Variants in TAOK1 observed in about 807,000 individuals in gnomAD.
The protein encoded by TAOK1 is TAO kinase 1.
A neutral mutation model predicts 138.3 loss-of-function variants in TAOK1; 21 were observed. The ratio of observed to expected loss-of-function variants is 0.15; its 90% CI spans 0.11 to 0.22. The LOEUF is 0.22. TAOK1 is among the 10% of genes least tolerant of loss of function. The pLI is 1.00. For missense variants in TAOK1, 651 were observed against 1,227.7 expected (o/e 0.53, Z 7.02); for synonymous variants, 361 against 398.4 (o/e 0.91, Z 1.12).
chr17:29,401,044 C>T (rs1451001551), intron 1 of TAOK1, among the ~76,000 whole-genome samples: 5 of 150,848 alleles, frequency 3.3e-5, no homozygotes, highest in Non-Finnish European at 5.9e-5. Flanking sequence ...TGAGTAACTG[C>T]GACTACAGGT....
At chr17:29,484,685 A>G (rs1598501334) in intron 8 of TAOK1, among the ~76,000 whole-genome samples, 3 of 151,682 alleles carry the variant, frequency 2.0e-5, no homozygotes, top group South Asian at 4.2e-4. Flanking sequence ...GCTCACTGCA[A>G]CCTCCGCCTC....
At chr17:29,422,799 G>GTGAA (rs1905495313) in intron 1 of TAOK1, among the ~76,000 whole-genome samples, 1 of 152,172 alleles carries the variant, frequency 6.6e-6, no homozygotes, top group South Asian at 2.1e-4. Context: ...GCAGAGGTGG[G>GTGAA]TGAATCACGA....
intron 1 of TAOK1, chr17:29,403,810 T>A (rs1904917980): frequency 6.6e-6 from 1 of 152,128 alleles, no homozygotes; most frequent in East Asian, 1.9e-4. Flanking sequence ...ACCGAAGCAG[T>A]CCTCATACGT....
chr17:29,536,980 G>A (rs1280568914), intron 19 of TAOK1, among the ~76,000 whole-genome samples: 1 of 152,108 alleles, frequency 6.6e-6, no homozygotes, highest in Non-Finnish European at 1.5e-5. Context: ...GATTACAGGC[G>A]TGAGCCACAG....
intron 1 of TAOK1, chr17:29,424,754 T>C (rs1051164844): frequency 6.6e-6 from 1 of 152,200 alleles, no homozygotes; most frequent in Non-Finnish European, 1.5e-5. Flanking sequence ...AACATAAGTT[T>C]AAAATTTTTT....
chr17:29,471,297 T>G (rs1266621294), intron 3 of TAOK1, among the ~76,000 whole-genome samples: 4 of 94,524 alleles, frequency 4.2e-5, no homozygotes, highest in African/African-American at 1.9e-4. Context: ...TTTTTTTTTT[T>G]TGAGATGAAG....
Position 29,517,398 on chromosome 17 carries a change from G to A in TAOK1, c.1705-55G>A, listed in dbSNP as rs867805454. On this transcript the variant is annotated intron_variant, in intron 15 of 19. Transcript: ENST00000261716. ...GCCTCCCAGAGTGCTGGGATTACAG[G>A]CGTGAGCCACCGTGCCAGGCCTATT... 22 of 1,573,502 alleles carry A rather than the reference G, an allele frequency of 1.4e-5. No individual in the cohort carries two copies. In the Middle Eastern group the frequency reaches 1.1e-3, roughly 80 times the overall value.
intron 1 of TAOK1, among the ~76,000 whole-genome samples, chr17:29,398,596 C>T (rs1904736050): frequency 6.6e-6 from 1 of 151,740 alleles, no homozygotes; most frequent in South Asian, 2.1e-4. Flanking sequence ...ATGGCGTGAT[C>T]TCGGCTAACT....
intron 1 of TAOK1, among the ~76,000 whole-genome samples, chr17:29,439,538 A>G (rs575250820): frequency 1.4e-4 from 21 of 151,944 alleles, no homozygotes; most frequent in Middle Eastern, 3.4e-3. Flanking sequence ...TTTTTACCCA[A>G]TCTGGGATTC....
intron 2 of TAOK1, among the ~76,000 whole-genome samples, chr17:29,457,483 G>T: frequency 7.3e-6 from 1 of 137,724 alleles, no homozygotes; most frequent in Non-Finnish European, 1.5e-5. Context: ...TCGGCTCACT[G>T]CAACCTCCAC....
chr17:29,496,316 C>A (rs2031412827), intron 11 of TAOK1, among the ~76,000 whole-genome samples: 1 of 151,988 alleles, frequency 6.6e-6, no homozygotes, highest in Non-Finnish European at 1.5e-5. Context: ...CGGGGTTTCA[C>A]CGCATTGGCC....
intron 1 of TAOK1, among the ~76,000 whole-genome samples, chr17:29,396,990 CAAAAAAAAAA>C (rs555104841): frequency 1.4e-5 from 1 of 69,548 alleles, no homozygotes; most frequent in Admixed American, 1.8e-4. Context: ...AACTCTGTCT[CAAAAAAAAAA>C]AAAAAAAAAA....
At chr17:29,452,643 C>G (rs2030267845) in intron 2 of TAOK1, among the ~76,000 whole-genome samples, 1 of 152,198 alleles carries the variant, frequency 6.6e-6, no homozygotes. Context: ...CCATTTCACC[C>G]TCCACCCAGC....
chr17:29,407,211 T>C (rs993103504), intron 1 of TAOK1, among the ~76,000 whole-genome samples: 7 of 152,092 alleles, frequency 4.6e-5, no homozygotes, highest in Non-Finnish European at 4.4e-5. Context: ...GGTCTTGAAC[T>C]CCTGGCCTTA....
chr17:29,398,395 C>T (rs747803904), intron 1 of TAOK1, among the ~76,000 whole-genome samples: 6 of 151,294 alleles, frequency 4.0e-5, no homozygotes, highest in Non-Finnish European at 7.4e-5. Context: ...TTAGTAGAGA[C>T]GGGGTTTCTC....
chr17:29,449,734 G>A (rs1598485681), intron 1 of TAOK1, among the ~76,000 whole-genome samples: 2 of 152,234 alleles, frequency 1.3e-5, no homozygotes. Context: ...CCAGCTACTT[G>A]GGAGGCTGAG....
At chr17:29,425,546 GTGTGTGCC>G (rs1483763335) in intron 1 of TAOK1, among the ~76,000 whole-genome samples, 1 of 152,176 alleles carries the variant, frequency 6.6e-6, no homozygotes, top group Non-Finnish European at 1.5e-5. Flanking sequence ...GAGTAAGGTG[GTGTGTGCC>G]TGTAGTCCCA....
intron 1 of TAOK1, among the ~76,000 whole-genome samples, chr17:29,407,824 AG>A (rs1905036246): frequency 6.6e-6 from 1 of 152,052 alleles, no homozygotes; most frequent in South Asian, 2.1e-4. Context: ...CTTTTGCAAA[AG>A]TTTCTCCTTA....
chr17:29,512,757 A>G (rs2031745879), intron 15 of TAOK1: 1 of 149,584 alleles, frequency 6.7e-6, no homozygotes, highest in African/African-American at 2.5e-5. Context: ...ATCTCGGCTC[A>G]CTGCAAGCTC....
Sources: gnomAD v4.1 joint callset for allele counts (sites outside exome capture counted in the v4.1 genomes callset) on GRCh38, gnomAD v4.1.1 for gene constraint, MANE v1.5 for transcripts, NCBI Gene and HGNC (gene_info 2026-07-23, HGNC 2026-07-21) for gene names.